The following TMEM132C variants were observed in gnomAD, a reference collection of about 807,000 sequenced individuals.
The protein encoded by TMEM132C is protein phosphatase 1, regulatory subunit 152.
TMEM132C carries 29 observed loss-of-function variants against 61.4 expected under a neutral mutation model. That is an observed-to-expected ratio of 0.47 (90% CI 0.35 to 0.64). The LOEUF is 0.64. Ranked by LOEUF, TMEM132C falls within the 30% of genes least tolerant of loss-of-function variation. TMEM132C has a pLI of 0.00. For synonymous variants in TMEM132C, 656 were observed against 633.1 expected (o/e 1.04, Z -0.54); for missense variants, 1,408 against 1,476.9 (o/e 0.95, Z 0.76).
At chr12:128,444,481 A>C (rs540615439) in intron 2 of TMEM132C, among the ~76,000 whole-genome samples, 92 of 152,302 alleles carry the variant, frequency 6.0e-4, no homozygotes, top group African/African-American at 2.2e-3. Flanking sequence ...TGATGTTTGC[A>C]GGCAGGGAGG....
intron 2 of TMEM132C, among the ~76,000 whole-genome samples, chr12:128,508,756 C>T (rs1459419372): frequency 6.6e-6 from 1 of 152,198 alleles, no homozygotes; most frequent in Non-Finnish European, 1.5e-5. Context: ...CAGCCTGGTA[C>T]CATCTGTAGC....
At chr12:128,625,818 A>G (rs1354823276) in intron 4 of TMEM132C, among the ~76,000 whole-genome samples, 1 of 152,176 alleles carries the variant, frequency 6.6e-6, no homozygotes, top group Non-Finnish European at 1.5e-5. Context: ...GCGTGACCTT[A>G]TCACCTCCCA....
intron 4 of TMEM132C, among the ~76,000 whole-genome samples, chr12:128,646,759 A>G (rs114890396): frequency 0.016 from 2,260 of 140,404 alleles, 61 homozygotes; most frequent in African/African-American, 0.058. Flanking sequence ...GTCCATCAGC[A>G]TTGGATATGA....
intron 1 of TMEM132C, among the ~76,000 whole-genome samples, chr12:128,313,439 C>T (rs913614684): frequency 2.8e-4 from 42 of 152,268 alleles, no homozygotes; most frequent in African/African-American, 7.7e-4. Flanking sequence ...TGAGGCAGAC[C>T]GGAGGCCCCG....
chr12:128,357,473 G>A (rs868498012), intron 1 of TMEM132C, among the ~76,000 whole-genome samples: 17 of 152,134 alleles, frequency 1.1e-4, no homozygotes, highest in African/African-American at 3.6e-4. Context: ...GAGGCAGGTG[G>A]ATCACAAGGT....
intron 4 of TMEM132C, among the ~76,000 whole-genome samples, chr12:128,631,600 GAGC>G (rs1954065688): frequency 6.6e-6 from 1 of 152,196 alleles, no homozygotes; most frequent in Non-Finnish European, 1.5e-5. Flanking sequence ...CACAATTTTG[GAGC>G]AGGTGGCAGA....
rs1034699045 is a variant in TMEM132C at position 128,684,051 on chromosome 12, C to G, written c.1450-9778C>G. On this transcript the variant is annotated intron_variant, in intron 5 of 8. Transcript: ENST00000435159. ...TTGAATCTTTTCCTGGAACCGTCTT[C>G]CCCCATATCTCCGGCCTAAACGTCA... 2.2e-4 allele frequency among the ~76,000 whole-genome samples: 33 copies of G among 152,082 alleles called. 1 individual carries two copies. The highest frequency in any genetic ancestry group is 7.5e-4 in the African/African-American group (31 of 41,412).
intron 1 of TMEM132C, among the ~76,000 whole-genome samples, chr12:128,385,456 T>C (rs78255985): frequency 7.7e-6 from 1 of 130,690 alleles, no homozygotes; most frequent in African/African-American, 2.7e-5. Flanking sequence ...GACATAAACG[T>C]CAAGTCCTCG....
At chr12:128,545,728 TC>T (rs952392931) in intron 3 of TMEM132C, among the ~76,000 whole-genome samples, 24 of 152,230 alleles carry the variant, frequency 1.6e-4, no homozygotes, top group African/African-American at 5.5e-4. Flanking sequence ...AACATTTTTT[TC>T]ATAAGTTTGT....
chr12:128,431,550 CTT>C (rs386378189), intron 2 of TMEM132C, among the ~76,000 whole-genome samples: 7 of 98,896 alleles, frequency 7.1e-5, no homozygotes, highest in Admixed American at 2.4e-4. Context: ...CCATCTAGGA[CTT>C]TTTTTTTTTT....
rs1424508810 is a variant in TMEM132C, at chr12:128,370,548, G to C, written c.86-44184G>C. Among the ~76,000 whole-genome samples the C allele has an allele frequency of 2.0e-5, 3 of 151,862 alleles. No homozygotes were observed. The East Asian group carries it at 5.9e-4, about 30-fold the overall frequency. On this transcript the variant is annotated intron_variant, in intron 1 of 8. Transcript: ENST00000435159. ...CAGTGAGAGTGGGGCCTCAGGAAAGGGGTCAAGCAGGACGGAGGTAGAGAT... is the reference window on the plus strand; with the variant it reads ...CAGTGAGAGTGGGGCCTCAGGAAAGCGGTCAAGCAGGACGGAGGTAGAGAT...
At chr12:128,308,105 TGTGA>T (rs1462446093) in intron 1 of TMEM132C, among the ~76,000 whole-genome samples, 10 of 152,208 alleles carry the variant, frequency 6.6e-5, no homozygotes, top group Non-Finnish European at 1.5e-4. Flanking sequence ...ACACCTGGGT[TGTGA>T]GTCCTGGAGC....
chr12:128,623,309 TG>T (rs1232533512), intron 4 of TMEM132C, among the ~76,000 whole-genome samples: 14 of 152,166 alleles, frequency 9.2e-5, no homozygotes, highest in African/African-American at 3.4e-4. Flanking sequence ...GCTTTCATTA[TG>T]GGACTTGCTT....
At chr12:128,658,622 G>C (rs1954354850) in intron 4 of TMEM132C, among the ~76,000 whole-genome samples, 2 of 152,118 alleles carry the variant, frequency 1.3e-5, no homozygotes, top group Admixed American at 1.3e-4. Flanking sequence ...TGCTATTCAA[G>C]TGTTTATAGT....
intron 3 of TMEM132C, among the ~76,000 whole-genome samples, chr12:128,614,445 GAAAC>G (rs1206352087): frequency 3.3e-5 from 5 of 151,914 alleles, no homozygotes; most frequent in Non-Finnish European, 7.4e-5. Context: ...CTGCCCTAAG[GAAAC>G]AAACAAACAA....
chr12:128,446,006 T>C (rs949909146), intron 2 of TMEM132C, among the ~76,000 whole-genome samples: 2 of 152,202 alleles, frequency 1.3e-5, no homozygotes, highest in African/African-American at 4.8e-5. Flanking sequence ...GGCATTTTCC[T>C]TTATGTCCTT....
intron 2 of TMEM132C, among the ~76,000 whole-genome samples, chr12:128,519,160 C>T (rs1872816846): frequency 6.6e-6 from 1 of 152,164 alleles, no homozygotes; most frequent in Non-Finnish European, 1.5e-5. Context: ...ATCAGTACAT[C>T]CTGGAGAACT....
chr12:128,514,386 T>C (rs1480212058), intron 2 of TMEM132C, among the ~76,000 whole-genome samples: 2 of 152,200 alleles, frequency 1.3e-5, no homozygotes, highest in African/African-American at 4.8e-5. Flanking sequence ...TTCTCTCCAC[T>C]TTAAAATAAA....
chr12:128,671,769 A>T (rs148519096), intron 5 of TMEM132C, among the ~76,000 whole-genome samples: 1 of 152,160 alleles, frequency 6.6e-6, no homozygotes, highest in Non-Finnish European at 1.5e-5. Flanking sequence ...AGCAACATCC[A>T]TATACTATGA....
Sources: gnomAD v4.1 joint callset for allele counts (sites outside exome capture counted in the v4.1 genomes callset) on GRCh38, gnomAD v4.1.1 for gene constraint, MANE v1.5 for transcripts, NCBI Gene and HGNC (gene_info 2026-07-23, HGNC 2026-07-21) for gene names.